The following ERCC4 variants were observed in gnomAD, a reference collection of about 807,000 sequenced individuals.
ERCC4 encodes ERCC excision repair 4, endonuclease catalytic subunit.
In ERCC4, 65 loss-of-function variants were observed where a neutral mutation model predicts 76.9. The ratio of observed to expected loss-of-function variants is 0.84; its 90% confidence interval spans 0.69 to 1.04. ERCC4 has a LOEUF of 1.04. Among genes scored for constraint, ERCC4 ranks in the 50% least tolerant of loss-of-function variants. ERCC4 has a pLI of 0.00. For synonymous variants in ERCC4, 463 were observed against 410.1 expected (o/e 1.13, Z -1.56); for missense variants, 1,214 against 1,128.2 (o/e 1.08, Z -1.09).
intron 2 of ERCC4, among the ~76,000 whole-genome samples, chr16:13,926,103 A>G (rs1247015531): frequency 3.3e-5 from 5 of 152,090 alleles, no homozygotes; most frequent in Admixed American, 6.5e-5. Context: ...TATAGTCCAC[A>G]TCTGATTCAT....
intron 8 of ERCC4, among the ~76,000 whole-genome samples, chr16:13,935,989 ATTC>A (rs1163275037): frequency 6.6e-6 from 1 of 152,158 alleles, no homozygotes; most frequent in Non-Finnish European, 1.5e-5. Flanking sequence ...TCTCTCCTTT[ATTC>A]TTTGGGTATT....
At chr16:13,946,951 G>A (rs541927143) in intron 10 of ERCC4, among the ~76,000 whole-genome samples, 2 of 152,202 alleles carry the variant, frequency 1.3e-5, no homozygotes, top group South Asian at 2.1e-4. Context: ...TTGTAGAGAC[G>A]GGGTTTCACC....
At chr16:13,946,981 C>T (rs1208075040) in intron 10 of ERCC4, among the ~76,000 whole-genome samples, 15 of 152,268 alleles carry the variant, frequency 9.9e-5, no homozygotes, top group African/African-American at 2.9e-4. Context: ...AGGATGGTCT[C>T]AAACTCCTTT....
At position 13,950,902 on chromosome 16, in the gene ERCC4, T is replaced by G. The variant is rs1457678799; in HGVS notation, c.*2555T>G. On this transcript the variant is annotated 3_prime_UTR_variant, in exon 11 of 11. Coordinates refer to ENST00000311895, the MANE Select transcript of ERCC4 (RefSeq NM_005236.3). ...ACAACATAAATAACAGTCTTAAAAA[T>G]TGCACTAATACCAGTGCCCCCCTGG... is the stretch of plus-strand genomic sequence containing the variant. 1.6e-5 allele frequency: 3 copies of G among 189,792 alleles called. No individual in the cohort carries two copies. The South Asian group carries it at 6.0e-4, about 38-fold the overall frequency. The allele number at this position is 189,792 out of a possible 1,614,324, so 11.8% of individuals were successfully genotyped here. A position where few individuals can be genotyped will look rare whatever the true frequency, so the allele number is the denominator to read the frequency against.
At position 13,951,915 on chromosome 16, in the gene ERCC4, G is replaced by A. The variant is rs1381224154; in HGVS notation, c.*3568G>A. The A allele has an allele frequency of 4.6e-5, 10 of 215,514 alleles. No individual in the cohort carries two copies. Among genetic ancestry groups the A allele is most frequent in the Non-Finnish European group, 7.5e-5 (8 of 107,006 alleles). The allele number at this position is 215,514 out of a possible 1,614,324, so 13.4% of individuals were successfully genotyped here. A position where few individuals can be genotyped will look rare whatever the true frequency, so the allele number is the denominator to read the frequency against. ...AGGAAAGTTCTTTTTTCAGGATGGA[G>A]TATATTAAAATTAAGCCAGGCTTTG... On this transcript the variant is annotated 3_prime_UTR_variant, in exon 11 of 11. Coordinates refer to ENST00000311895, the MANE Select transcript of ERCC4 (RefSeq NM_005236.3).
chr16:13,938,676 C>T (rs2032353366), intron 9 of ERCC4, among the ~76,000 whole-genome samples: 1 of 152,128 alleles, frequency 6.6e-6, no homozygotes, highest in Non-Finnish European at 1.5e-5. Flanking sequence ...TGGGCTGGGC[C>T]AGAGCAAACT....
intron 9 of ERCC4, among the ~76,000 whole-genome samples, chr16:13,940,386 CAA>C (rs560268729): frequency 7.9e-6 from 1 of 126,850 alleles, no homozygotes. Context: ...ACCCCCGTCT[CAA>C]AAAAAAAAAA....
At chr16:13,931,066 G>A (rs762319321) in intron 5 of ERCC4, 176 bp downstream of exon 5, 24 of 628,382 alleles carry the variant, frequency 3.8e-5, no homozygotes, top group Middle Eastern at 4.3e-4. Context: ...TAATGTTTCC[G>A]CCTACTTAAC....
At chr16:13,944,007 C>T (rs917914443) in intron 9 of ERCC4, 5 of 152,416 alleles carry the variant, frequency 3.3e-5, no homozygotes, top group African/African-American at 1.2e-4. Flanking sequence ...ACCTTGAAGA[C>T]AGGAATTCTT....
Position 13,948,183 on chromosome 16 carries a change from T to C in ERCC4, c.2587T>C (p.Cys863Arg). The C allele has an allele frequency of 1.9e-6, 3 of 1,614,156 alleles. No homozygotes were observed. Among genetic ancestry groups the C allele is most frequent in the East Asian group, 2.2e-5 (1 of 44,876 alleles). Residue 863 changes from cysteine (C) to arginine (R), a missense_variant, in exon 11 of 11, where the codon TGC becomes CGC. Coordinates refer to ENST00000311895, the MANE Select transcript of ERCC4 (RefSeq NM_005236.3). Reference sequence around the variant, plus strand: ...AATGCCAGGGGTGAATGCCAAAAACTGCCGCTCCTTGATGCACCACGTTAA... The same window carrying C: ...AATGCCAGGGGTGAATGCCAAAAACCGCCGCTCCTTGATGCACCACGTTAA... ...LKMPGVNAKN[C>R]RSLMHHVKNI...
intron 9 of ERCC4, among the ~76,000 whole-genome samples, chr16:13,941,285 T>G (rs1235711708): frequency 6.6e-6 from 1 of 152,218 alleles, no homozygotes; most frequent in Non-Finnish European, 1.5e-5. Flanking sequence ...GATTGTCTAC[T>G]TGTCATAAAT....
intron 5 of ERCC4, chr16:13,931,843 T>TA: frequency 3.4e-6 from 1 of 293,670 alleles, no homozygotes; most frequent in Admixed American, 4.7e-5. Context: ...AATATTAAAA[T>TA]AACTTGCTTT....
In ERCC4 at chr16:13,949,698, G is replaced by A. The variant is rs1052500276; in HGVS notation, c.*1351G>A. 32 of 232,634 alleles carry A rather than the reference G, an allele frequency of 1.4e-4. No individual in the cohort carries two copies. The highest frequency in any genetic ancestry group is 6.8e-4 in the Admixed American group (12 of 17,760). 14.4% of individuals were successfully genotyped at this position (232,634 alleles called of 1,614,324 possible). A position where few individuals can be genotyped will look rare whatever the true frequency, so the allele number is the denominator to read the frequency against. On this transcript the variant is annotated 3_prime_UTR_variant, in exon 11 of 11. Transcript: ENST00000311895. Reference sequence around the variant, plus strand: ...CTGATTAAGTTGGCTTTTTACGTAAGTGTACAAATAGGATATTCACAGCAT... The same window carrying A: ...CTGATTAAGTTGGCTTTTTACGTAAATGTACAAATAGGATATTCACAGCAT...
chr16:13,926,954 C>G (rs989199304), intron 3 of ERCC4, among the ~76,000 whole-genome samples, 198 bp downstream of exon 3: 3 of 152,118 alleles, frequency 2.0e-5, no homozygotes, highest in Admixed American at 2.0e-4. Context: ...TTATTTAAGT[C>G]GAGAGCAATT....
intron 3 of ERCC4, 45 bp downstream of exon 3, chr16:13,926,801 CTTTG>C (rs750292787): frequency 5.2e-5 from 76 of 1,449,448 alleles, no homozygotes; most frequent in Admixed American, 1.5e-4. Flanking sequence ...TATTTGTCAT[CTTTG>C]TTTGTGAGAT....
At chr16:13,935,123 A>G in intron 7 of ERCC4, 23 bp from the exon 8 acceptor site, 1 of 1,548,248 alleles carries the variant, frequency 6.5e-7, no homozygotes. Flanking sequence ...TAATAGTAAC[A>G]TAATGTTGTT....
intron 2 of ERCC4, 85 bp downstream of exon 2, chr16:13,922,296 G>A (rs1290818428): frequency 1.0e-6 from 1 of 977,444 alleles, no homozygotes; most frequent in Non-Finnish European, 1.6e-6. Context: ...TTTCTCCAGA[G>A]AATAGTCTGT....
rs2141948343 is a variant in ERCC4 at position 13,930,693 on chromosome 16, T to C, written c.793-17T>C. The C allele has an allele frequency of 1.2e-6, 2 of 1,604,550 alleles. No homozygotes were observed. Among genetic ancestry groups the C allele is most frequent in the East Asian group, 4.5e-5 (2 of 44,794 alleles). The stretch of plus-strand genomic sequence containing the variant: ...CTTAACATATTTTAGCAATACCAAA[T>C]TTTATTCTTGTTTTAGACAATCCGC... On this transcript the variant is annotated splice_polypyrimidine_tract_variant and intron_variant, in intron 4 of 10. Coordinates refer to ENST00000311895, the MANE Select transcript of ERCC4 (RefSeq NM_005236.3).
At chr16:13,920,776 T>C (rs764456481) in intron 1 of ERCC4, among the ~76,000 whole-genome samples, 4 of 147,366 alleles carry the variant, frequency 2.7e-5, no homozygotes, top group Non-Finnish European at 6.0e-5. Flanking sequence ...TCAAGAACAC[T>C]AAGAGAAATG....
Sources: gnomAD v4.1 joint callset for allele counts (sites outside exome capture counted in the v4.1 genomes callset) on GRCh38, gnomAD v4.1.1 for gene constraint, MANE v1.5 for transcripts, NCBI Gene and HGNC (gene_info 2026-07-23, HGNC 2026-07-21) for gene names.